Variants in CPSF6 observed in about 807,000 individuals in gnomAD.
CPSF6 encodes the protein cleavage and polyadenylation specificity factor subunit 6.
A neutral mutation model predicts 56.7 loss-of-function variants in CPSF6; 10 were observed. The observed-to-expected ratio is 0.18, with a 90% CI of 0.11 to 0.30. The LOEUF is 0.30. Ranked by LOEUF, CPSF6 falls within the 10% of genes least tolerant of loss-of-function variation. The pLI is 1.00. For missense variants in CPSF6, 419 were observed against 722.9 expected (o/e 0.58, Z 4.82); for synonymous variants, 248 against 244.8 (o/e 1.01, Z -0.12).
At chr12:69,262,306 CA>C in intron 8 of CPSF6, 66 bp from the exon 9 acceptor site, 1 of 1,432,642 alleles carries the variant, frequency 7.0e-7, no homozygotes, top group Non-Finnish European at 9.2e-7. Flanking sequence ...TTTTAGACAT[CA>C]AAAAATTGAA....
At chr12:69,256,594 G>C (rs1325782415) in intron 3 of CPSF6, 103 bp from the exon 4 acceptor site, 1 of 1,175,856 alleles carries the variant, frequency 8.5e-7, no homozygotes, top group African/African-American at 1.5e-5. Context: ...GTGCCCAGCT[G>C]TTGTTTTAGA....
Position 69,273,362 on chromosome 12 carries a change from C to T in CPSF6, c.*3854C>T, listed in dbSNP as rs1028133862. On this transcript the variant is annotated 3_prime_UTR_variant, in exon 10 of 10. Coordinates refer to ENST00000435070, the MANE Select transcript of CPSF6 (RefSeq NM_007007.3). ...GGACGTATAAATACTTGATTATATA[C>T]GACAGATTTTAATGTCTTTAAAGAC... 9.5e-5 allele frequency: 20 copies of T among 210,956 alleles called. No homozygotes were observed. Among genetic ancestry groups the T allele is most frequent in the South Asian group, 7.4e-4 (12 of 16,202 alleles). 13.1% of individuals were successfully genotyped at this position (210,956 alleles called of 1,614,324 possible).
rs3051105 is a variant in CPSF6, at chr12:69,272,869, AGTGTGTGTGT to A, written c.*3380_*3389del. On this transcript the variant is annotated 3_prime_UTR_variant, in exon 10 of 10. Transcript: ENST00000435070. Reference sequence around the variant, plus strand: ...AAGCATTCTATTTTTCTGTTCTTACAGTGTGTGTGTGTGTGTGTGTGTGTGTGTATGCGTT... The same window carrying A: ...AAGCATTCTATTTTTCTGTTCTTACAGTGTGTGTGTGTGTGTGTATGCGTT... 2.1e-3 allele frequency: 328 copies of A among 154,218 alleles called. No individual in the cohort carries two copies. Among genetic ancestry groups the A allele is most frequent in the Middle Eastern group, 3.3e-3 (1 of 306 alleles). 9.6% of individuals were successfully genotyped at this position (154,218 alleles called of 1,614,324 possible).
At chr12:69,248,320 T>A in intron 1 of CPSF6, among the ~76,000 whole-genome samples, 1 of 152,006 alleles carries the variant, frequency 6.6e-6, no homozygotes, top group Non-Finnish European at 1.5e-5. Flanking sequence ...ACCCTTCCAT[T>A]CTTTTTTACT....
chr12:69,249,167 G>C lies in CPSF6; in HGVS notation c.61-1962G>C, dbSNP rs796415749. On this transcript the variant is annotated intron_variant, in intron 1 of 9. Coordinates refer to ENST00000435070, the MANE Select transcript of CPSF6 (RefSeq NM_007007.3). Reference sequence around the variant, plus strand: ...CCCAGCTACTCGGGGGGGGGGGGGGGGGCTGAGGCAGGAGAATGGCGTGAA... The same window carrying C: ...CCCAGCTACTCGGGGGGGGGGGGGGCGGCTGAGGCAGGAGAATGGCGTGAA... Among the ~76,000 whole-genome samples the C allele has an allele frequency of 5.0e-5, 4 of 80,066 alleles. 1 individual carries two copies. Among genetic ancestry groups the C allele is most frequent in the South Asian group, 4.1e-4 (1 of 2,450 alleles). 52.5% of individuals were successfully genotyped at this position (80,066 alleles called of 152,430 possible).
chr12:69,251,634 A>ATAGCC (rs1249720174), intron 2 of CPSF6, among the ~76,000 whole-genome samples: 2 of 152,152 alleles, frequency 1.3e-5, no homozygotes, highest in African/African-American at 4.8e-5. Flanking sequence ...CTTGCTTCCG[A>ATAGCC]TAGCCCAGTT....
intron 1 of CPSF6, among the ~76,000 whole-genome samples, chr12:69,240,904 T>C (rs569047233): frequency 6.6e-6 from 1 of 152,318 alleles, no homozygotes; most frequent in Admixed American, 6.5e-5. Context: ...TTTAAAACAA[T>C]TAAATTGTGC....
At chr12:69,240,976 T>A (rs1308516728) in intron 1 of CPSF6, among the ~76,000 whole-genome samples, 1 of 152,212 alleles carries the variant, frequency 6.6e-6, no homozygotes, top group African/African-American at 2.4e-5. Flanking sequence ...ATGAGAAGTT[T>A]AATGAAATAT....
At chr12:69,244,465 C>G (rs543251659) in intron 1 of CPSF6, among the ~76,000 whole-genome samples, 7 of 152,110 alleles carry the variant, frequency 4.6e-5, no homozygotes, top group Non-Finnish European at 1.0e-4. Context: ...CTCAAGTGAT[C>G]CTCTTGCCTT....
chr12:69,268,582 C>T (rs1479986744), intron 9 of CPSF6, among the ~76,000 whole-genome samples: 1 of 151,542 alleles, frequency 6.6e-6, no homozygotes, highest in Non-Finnish European at 1.5e-5. Context: ...TTTAAAAAAC[C>T]TTCTGCCCTC....
At chr12:69,265,468 A>T (rs1565650991) in intron 9 of CPSF6, among the ~76,000 whole-genome samples, 1 of 152,156 alleles carries the variant, frequency 6.6e-6, no homozygotes, top group Admixed American at 6.6e-5. Flanking sequence ...ATGTTTTTTT[A>T]AAATACTCTT....
intron 1 of CPSF6, among the ~76,000 whole-genome samples, chr12:69,248,727 G>A (rs1000241726): frequency 2.0e-5 from 3 of 152,020 alleles, no homozygotes; most frequent in African/African-American, 7.3e-5. Flanking sequence ...GTTAAATTTA[G>A]CTTTGTTCTC....
At chr12:69,248,872 C>T (rs1872053578) in intron 1 of CPSF6, among the ~76,000 whole-genome samples, 1 of 151,998 alleles carries the variant, frequency 6.6e-6, no homozygotes, top group African/African-American at 2.4e-5. Context: ...AAACGATTAC[C>T]TGATGATTAC....
At chr12:69,243,021 C>T (rs762210720) in intron 1 of CPSF6, among the ~76,000 whole-genome samples, 3 of 151,988 alleles carry the variant, frequency 2.0e-5, no homozygotes, top group Non-Finnish European at 1.5e-5. Flanking sequence ...GCAGGAGAAT[C>T]GCTTGAACCT....
intron 1 of CPSF6, among the ~76,000 whole-genome samples, chr12:69,247,338 T>C (rs1327161234): frequency 6.6e-6 from 1 of 151,972 alleles, no homozygotes; most frequent in Non-Finnish European, 1.5e-5. Context: ...TGTAGTGATT[T>C]AGAATGGTAG....
intron 1 of CPSF6, among the ~76,000 whole-genome samples, chr12:69,250,604 A>AG (rs1565644781): frequency 1.8e-5 from 2 of 108,598 alleles, no homozygotes; most frequent in Non-Finnish European, 3.9e-5. Context: ...AAAAAAAAAA[A>AG]AAAGAAAAAA....
chr12:69,261,583 A>T (rs1872742778), intron 8 of CPSF6, among the ~76,000 whole-genome samples: 1 of 150,102 alleles, frequency 6.7e-6, no homozygotes, highest in Admixed American at 6.6e-5. Context: ...GAAAAAACAA[A>T]GTAATAACTT....
At chr12:69,242,584 CTT>C (rs1871683474) in intron 1 of CPSF6, among the ~76,000 whole-genome samples, 1 of 152,128 alleles carries the variant, frequency 6.6e-6, no homozygotes, top group African/African-American at 2.4e-5. Context: ...TATGGGTTCT[CTT>C]TAGTTCTTAG....
chr12:69,261,667 A>G (rs1288624071), intron 8 of CPSF6, among the ~76,000 whole-genome samples: 9 of 152,108 alleles, frequency 5.9e-5, no homozygotes, highest in Admixed American at 5.9e-4. Flanking sequence ...CAAGACATAA[A>G]TATTATTTCG....
Sources: allele counts gnomAD v4.1 joint callset (sites outside exome capture counted in the v4.1 genomes callset), GRCh38; gene constraint gnomAD v4.1.1; transcripts MANE v1.5; gene names NCBI Gene and HGNC (gene_info 2026-07-23, HGNC 2026-07-21).